The following TRAF3 variants were observed in gnomAD, a reference collection of about 807,000 sequenced individuals.
The protein encoded by TRAF3 is TNF receptor-associated factor 3.
A neutral mutation model predicts 62.3 loss-of-function variants in TRAF3; 13 were observed. That is an observed-to-expected ratio of 0.21 (90% CI 0.14 to 0.33). The LOEUF is 0.33. Among genes scored for constraint, TRAF3 ranks in the 10% least tolerant of loss-of-function variants. The pLI is 1.00. For missense variants in TRAF3, 440 were observed against 741.8 expected, an observed-to-expected ratio of 0.59 and a Z score of 4.73; for synonymous variants, 269 against 283.4, an observed-to-expected ratio of 0.95 and a Z score of 0.51.
At position 102,908,684 on chromosome 14, in the gene TRAF3, C is replaced by G. The variant is rs1001701769; in HGVS notation, c.*2900C>G. Reference sequence around the variant, plus strand: ...TTGTTTACCACACATGACCAGACTCCCAGCAGGACAGAGCTGCTCAGTACT... The same window carrying G: ...TTGTTTACCACACATGACCAGACTCGCAGCAGGACAGAGCTGCTCAGTACT... On this transcript the variant is annotated 3_prime_UTR_variant, in exon 12 of 12. Transcript: ENST00000392745. 2.0e-5 allele frequency: 3 copies of G among 152,416 alleles called. No individual in the cohort carries two copies. Among genetic ancestry groups the G allele is most frequent in the Non-Finnish European group, 4.4e-5 (3 of 68,198 alleles). The allele number at this position is 152,416 out of a possible 1,614,324, so 9.4% of individuals were successfully genotyped here.
rs191623334 is a variant in TRAF3 at position 102,848,064 on chromosome 14, G to C, written c.-18+17592G>C. ...ACTGCAAGGAAGGCACAGGCAGCCT[G>C]GGGGTGTGACCTGCCTCATGGAGTA... is the stretch of plus-strand genomic sequence containing the variant. On this transcript the variant is annotated intron_variant, in intron 2 of 11. Transcript: ENST00000392745. 5.7e-3 allele frequency among the ~76,000 whole-genome samples: 864 copies of C among 152,246 alleles called. 8 individuals carry two copies. Among genetic ancestry groups the C allele is most frequent in the Admixed American group, 9.8e-3 (150 of 15,298 alleles).
intron 11 of TRAF3, among the ~76,000 whole-genome samples, chr14:102,904,857 A>T (rs1890504949): frequency 1.3e-5 from 2 of 149,926 alleles, no homozygotes; most frequent in African/African-American, 5.0e-5. Flanking sequence ...CACGCCTGTA[A>T]TCCCAGCACT....
At chr14:102,859,219 A>G (rs868404929) in intron 2 of TRAF3, among the ~76,000 whole-genome samples, 1 of 151,054 alleles carries the variant, frequency 6.6e-6, no homozygotes, top group Non-Finnish European at 1.5e-5. Flanking sequence ...CCACATTCAC[A>G]TGTCTCCTTC....
Position 102,870,403 on chromosome 14 carries a change from T to C in TRAF3, c.202T>C (p.Cys68Arg). The part of the protein sequence containing the change: ...LVLCSPKQTE[C>R]GHRFCESCMA... ...GCTGTGCAGCCCGAAGCAGACCGAG[T>C]GTGGGCACCGCTTCTGCGAGAGCTG... The change falls in exon 3 of 12, where the codon TGT becomes CGT. Residue 68 changes from cysteine (C) to arginine (R), a missense_variant. Transcript: ENST00000392745. 6.2e-7 allele frequency: 1 copy of C among 1,614,060 alleles called. No individual in the cohort carries two copies. Among genetic ancestry groups the C allele is most frequent in the Non-Finnish European group, 8.5e-7 (1 of 1,179,996 alleles).
chr14:102,861,590 A>C (rs1245037679), intron 2 of TRAF3, among the ~76,000 whole-genome samples: 2 of 152,118 alleles, frequency 1.3e-5, no homozygotes, highest in Non-Finnish European at 2.9e-5. Context: ...TTGGGTTGGG[A>C]GTCTCCTCAG....
At chr14:102,799,824 T>G (rs1193507142) in intron 1 of TRAF3, among the ~76,000 whole-genome samples, 1 of 152,216 alleles carries the variant, frequency 6.6e-6, no homozygotes, top group African/African-American at 2.4e-5. Context: ...TTTTCACATT[T>G]GTTTGTGGTT....
At chr14:102,835,068 C>A (rs1215991213) in intron 2 of TRAF3, among the ~76,000 whole-genome samples, 2 of 152,002 alleles carry the variant, frequency 1.3e-5, no homozygotes, top group Non-Finnish European at 2.9e-5. Flanking sequence ...AGAAAAAAAA[C>A]AACCCCATTA....
chr14:102,866,598 C>A (rs537774579), intron 2 of TRAF3, among the ~76,000 whole-genome samples: 4 of 152,160 alleles, frequency 2.6e-5, no homozygotes, highest in African/African-American at 7.2e-5. Context: ...AATCCCAGCA[C>A]TTTGGGAGGC....
At chr14:102,783,932 G>C (rs1374685761) in intron 1 of TRAF3, among the ~76,000 whole-genome samples, 1 of 152,202 alleles carries the variant, frequency 6.6e-6, no homozygotes, top group Non-Finnish European at 1.5e-5. Context: ...GGATGGGAAA[G>C]CATTGTGCAA....
intron 1 of TRAF3, among the ~76,000 whole-genome samples, chr14:102,807,651 T>C (rs1466814451): frequency 6.6e-6 from 1 of 152,180 alleles, no homozygotes; most frequent in African/African-American, 2.4e-5. Flanking sequence ...GGGGTTTTTG[T>C]GTAGGGGATT....
At chr14:102,845,901 G>T (rs1886678014) in intron 2 of TRAF3, among the ~76,000 whole-genome samples, 1 of 143,720 alleles carries the variant, frequency 7.0e-6, no homozygotes, top group Admixed American at 7.4e-5. Flanking sequence ...GATCTCTTGA[G>T]CCCAGGAGTT....
intron 6 of TRAF3, among the ~76,000 whole-genome samples, chr14:102,884,806 C>T (rs1028302162): frequency 6.6e-5 from 10 of 150,398 alleles, no homozygotes; most frequent in South Asian, 2.1e-4. Context: ...AGTGAGACTC[C>T]GTCTCAAAAA....
At chr14:102,803,576 ATTTTTT>A (rs747187998) in intron 1 of TRAF3, among the ~76,000 whole-genome samples, 6 of 144,812 alleles carry the variant, frequency 4.1e-5, no homozygotes, top group Non-Finnish European at 4.6e-5. Context: ...CAGAAGTATA[ATTTTTT>A]TTTTTTTTTT....
At chr14:102,874,080 G>A (rs1346391515) in intron 4 of TRAF3, among the ~76,000 whole-genome samples, 4 of 152,130 alleles carry the variant, frequency 2.6e-5, no homozygotes, top group Non-Finnish European at 5.9e-5. Context: ...GGCAGCATAT[G>A]GAGACCCCAT....
chr14:102,796,078 G>T (rs918177367), intron 1 of TRAF3, among the ~76,000 whole-genome samples: 1 of 152,166 alleles, frequency 6.6e-6, no homozygotes, highest in African/African-American at 2.4e-5. Flanking sequence ...TTAGCCGGGT[G>T]TGGTGTCGGG....
At chr14:102,896,330 C>T (rs993644425) in intron 9 of TRAF3, among the ~76,000 whole-genome samples, 7 of 152,178 alleles carry the variant, frequency 4.6e-5, no homozygotes, top group Admixed American at 2.6e-4. Flanking sequence ...TCCACCAGCC[C>T]GGGTAACCAC....
intron 9 of TRAF3, among the ~76,000 whole-genome samples, chr14:102,892,044 GTTC>G (rs1255135085): frequency 2.8e-5 from 4 of 141,070 alleles, no homozygotes; most frequent in Non-Finnish European, 6.1e-5. Context: ...CTCCCATGCT[GTTC>G]TTTTTTTTTT....
chr14:102,786,881 C>T (rs892221228), intron 1 of TRAF3, among the ~76,000 whole-genome samples: 1 of 152,126 alleles, frequency 6.6e-6, no homozygotes, highest in East Asian at 1.9e-4. Context: ...TCCCATCTAA[C>T]TACTCAGGAG....
At chr14:102,778,960 T>G (rs890652921) in intron 1 of TRAF3, among the ~76,000 whole-genome samples, 1 of 152,216 alleles carries the variant, frequency 6.6e-6, no homozygotes, top group Non-Finnish European at 1.5e-5. Flanking sequence ...AGAGGAAATG[T>G]GTACCTTTTC....
Sources: gnomAD v4.1 joint callset for allele counts (sites outside exome capture counted in the v4.1 genomes callset) on GRCh38, gnomAD v4.1.1 for gene constraint, MANE v1.5 for transcripts, NCBI Gene and HGNC (gene_info 2026-07-23, HGNC 2026-07-21) for gene names.